Variants in MTFR1 observed in about 807,000 individuals in gnomAD.
MTFR1 encodes chondrocyte protein with a poly-proline region.
Under a neutral mutation model 38.8 loss-of-function variants are expected in MTFR1, and 28 were observed. The ratio of observed to expected loss-of-function variants is 0.72; its 90% CI spans 0.53 to 0.99. The LOEUF is 0.99. Ranked by LOEUF, MTFR1 falls within the 50% of genes least tolerant of loss-of-function variation. The pLI is 0.00. For synonymous variants in MTFR1, 145 were observed against 137.0 expected (o/e 1.06, Z -0.41); for missense variants, 358 against 395.5 (o/e 0.91, Z 0.81).
intron 3 of MTFR1, chr8:65,722,051 A>T (rs968549847): frequency 1.3e-5 from 2 of 152,180 alleles, no homozygotes; most frequent in Admixed American, 1.3e-4. Flanking sequence ...TCGGCTTCCC[A>T]AAGTGCTGGG....
chr8:65,663,158 G>T (rs1384861486), intron 1 of MTFR1, among the ~76,000 whole-genome samples: 1 of 152,158 alleles, frequency 6.6e-6, no homozygotes, highest in Non-Finnish European at 1.5e-5. Context: ...AGGTAGACAT[G>T]GGAGACTTTT....
chr8:65,682,579 G>T, intron 3 of MTFR1, 128 bp downstream of exon 3: 1 of 593,168 alleles, frequency 1.7e-6, no homozygotes. Context: ...CAATACAATA[G>T]AAGAGGATTA....
At chr8:65,690,272 T>C (rs914693853) in intron 3 of MTFR1, among the ~76,000 whole-genome samples, 1 of 152,110 alleles carries the variant, frequency 6.6e-6, no homozygotes, top group African/African-American at 2.4e-5. Context: ...TGGTGGTGCA[T>C]ACCTATAATC....
intron 4 of MTFR1, among the ~76,000 whole-genome samples, chr8:65,700,730 A>G (rs986479373): frequency 3.3e-5 from 5 of 152,236 alleles, no homozygotes; most frequent in Non-Finnish European, 7.3e-5. Context: ...GCTTTGCATC[A>G]GAGCAAAGCT....
chr8:65,772,973 A>C (rs1032399494), downstream of MTFR1, among the ~76,000 whole-genome samples: 1 of 152,102 alleles, frequency 6.6e-6, no homozygotes, highest in African/African-American at 2.4e-5. Flanking sequence ...GTGCCACTGC[A>C]CTCCAGCCTG....
intron 3 of MTFR1, among the ~76,000 whole-genome samples, chr8:65,688,549 C>T (rs1448780547): frequency 2.7e-5 from 4 of 149,198 alleles, no homozygotes; most frequent in Non-Finnish European, 4.5e-5. Context: ...CCCAGGTTCA[C>T]GCCATTCTCC....
chr8:65,682,325 A>G lies in MTFR1; in HGVS notation c.67-28A>G, dbSNP rs375097806. 4 of 1,240,688 alleles carry G rather than the reference A, an allele frequency of 3.2e-6. No individual in the cohort carries two copies. In the African/African-American group the frequency reaches 6.1e-5, roughly 19 times the overall value. The allele number at this position is 1,240,688 out of a possible 1,614,324, so 76.9% of individuals were successfully genotyped here. A position where few individuals can be genotyped will look rare whatever the true frequency, so the allele number is the denominator to read the frequency against. ...TAACAGTTCTGTACATCTTGTAATT[A>G]AGCTTTCGGTTTTTCCTACTTCCTC... On this transcript the variant is annotated intron_variant, in intron 2 of 7. Coordinates refer to ENST00000262146, the MANE Select transcript of MTFR1 (RefSeq NM_014637.4).
At chr8:65,716,795 CTGAGT>C (rs149763821) in intron 2 of MTFR1, among the ~76,000 whole-genome samples, 3,377 of 152,264 alleles carry the variant, frequency 0.022, 56 homozygotes, top group Middle Eastern at 0.044. Context: ...TTTTAAGGAT[CTGAGT>C]TATCAGACTT....
chr8:65,663,876 G>C (rs1804294251), intron 1 of MTFR1, among the ~76,000 whole-genome samples: 1 of 143,358 alleles, frequency 7.0e-6, no homozygotes, highest in African/African-American at 2.6e-5. Flanking sequence ...CCAGGCTGGA[G>C]TGCAGTGGCG....
At position 65,710,398 on chromosome 8, in the gene MTFR1, T is replaced by C. The variant is rs1484269464; in HGVS notation, c.*1354T>C. On this transcript the variant is annotated 3_prime_UTR_variant, in exon 8 of 8. Transcript: ENST00000262146. ...GTTCACCTCTCATTCACCTGTTTTA[T>C]ATGGTTTAAAATTCTCTTTAACAAA... The C allele has an allele frequency of 1.3e-5, 2 of 152,620 alleles. No individual in the cohort carries two copies. The highest frequency in any genetic ancestry group is 2.4e-5 in the African/African-American group (1 of 41,454). 9.5% of individuals were successfully genotyped at this position (152,620 alleles called of 1,614,324 possible).
In MTFR1 at chr8:65,732,097, C is replaced by G. The variant is rs965645829; in HGVS notation, c.*48+12616C>G. Among the ~76,000 whole-genome samples, 93 of 152,140 alleles carry G rather than the reference C, an allele frequency of 6.1e-4. 1 individual carries two copies. The highest frequency in any genetic ancestry group is 6.1e-3 in the Admixed American group (93 of 15,284). ...CACTGGAACCTCTGCCTCCCAGGTT[C>G]AAGGGATTCTCATGTCTCAGCCTCC... On this transcript the variant is annotated intron_variant, in intron 3 of 3. Transcript: ENST00000521247.
chr8:65,727,324 T>C, intron 3 of MTFR1: 1 of 1,612,368 alleles, frequency 6.2e-7, no homozygotes, highest in Non-Finnish European at 8.5e-7. Flanking sequence ...AAAAGAATAA[T>C]GAATCACAGA....
intron 2 of MTFR1, among the ~76,000 whole-genome samples, chr8:65,680,993 A>G (rs1327377294): frequency 6.7e-6 from 1 of 149,788 alleles, no homozygotes; most frequent in East Asian, 2.0e-4. Flanking sequence ...GCTCACTGCA[A>G]GCTCCGCCTC....
At chr8:65,651,343 C>G (rs1490943021) in intron 1 of MTFR1, among the ~76,000 whole-genome samples, 1 of 152,122 alleles carries the variant, frequency 6.6e-6, no homozygotes, top group African/African-American at 2.4e-5. Context: ...GCCTAATACC[C>G]CATGTGGGGT....
chr8:65,769,138 C>T (rs1234553991), intron 3 of MTFR1, among the ~76,000 whole-genome samples: 1 of 150,672 alleles, frequency 6.6e-6, no homozygotes, highest in Non-Finnish European at 1.5e-5. Flanking sequence ...ATCCCAGCTA[C>T]TTGGGAGGCT....
chr8:65,708,530 A>G (rs1805851939), intron 7 of MTFR1, among the ~76,000 whole-genome samples: 1 of 152,192 alleles, frequency 6.6e-6, no homozygotes, highest in Non-Finnish European at 1.5e-5. Flanking sequence ...GACTGGGTAC[A>G]TTTCATGGAA....
intron 1 of MTFR1, among the ~76,000 whole-genome samples, chr8:65,653,373 G>C (rs1430530483): frequency 2.0e-5 from 3 of 151,990 alleles, no homozygotes; most frequent in African/African-American, 7.2e-5. Context: ...TTAGCTGGGC[G>C]TGGTGGTCTG....
chr8:65,669,517 C>T (rs565719474), intron 1 of MTFR1, among the ~76,000 whole-genome samples: 1 of 151,892 alleles, frequency 6.6e-6, no homozygotes, highest in African/African-American at 2.4e-5. Flanking sequence ...GCAAGCTGAT[C>T]ACAAGCAAAT....
At chr8:65,770,439 G>T (rs966206695) in intron 3 of MTFR1, among the ~76,000 whole-genome samples, 1 of 152,146 alleles carries the variant, frequency 6.6e-6, no homozygotes, top group African/African-American at 2.4e-5. Context: ...ATCAGATTTC[G>T]TGAGACTTAT....
Sources: allele counts gnomAD v4.1 joint callset (sites outside exome capture counted in the v4.1 genomes callset), GRCh38; gene constraint gnomAD v4.1.1; transcripts MANE v1.5; gene names NCBI Gene and HGNC (gene_info 2026-07-23, HGNC 2026-07-21).